Variants in LMNB1 observed in about 807,000 individuals in gnomAD.
The protein encoded by LMNB1 is lamin-B1.
Under a neutral mutation model 67.1 loss-of-function variants are expected in LMNB1, and 23 were observed. The observed-to-expected ratio is 0.34, with a 90% CI of 0.25 to 0.49. The LOEUF (loss-of-function observed/expected upper bound fraction) is 0.49. LMNB1 is among the 20% of genes least tolerant of loss of function. The probability of loss-of-function intolerance (pLI) is 0.99; values close to 1 mark genes in which losing one functional copy is unlikely to be tolerated. For synonymous variants in LMNB1, 281 were observed against 282.9 expected (o/e 0.99, Z 0.07); for missense variants, 634 against 746.5 (o/e 0.85, Z 1.76).
rs148587423 is a variant in LMNB1, at chr5:126,787,812, A to G, written c.359+9945A>G. 4.4e-3 allele frequency among the ~76,000 whole-genome samples: 672 copies of G among 151,896 alleles called. 10 individuals carry two copies. The highest frequency in any genetic ancestry group is 0.016 in the African/African-American group (645 of 41,440). ...GTGATCCACCCACCTCGGCCTCCCA[A>G]AGTGCTGGGATTACAGGTGTGAGCC... On this transcript the variant is annotated intron_variant, in intron 1 of 10. Coordinates refer to ENST00000261366, the MANE Select transcript of LMNB1 (RefSeq NM_005573.4).
At chr5:126,813,644 C>G (rs545661572) in intron 5 of LMNB1, among the ~76,000 whole-genome samples, 2 of 152,254 alleles carry the variant, frequency 1.3e-5, no homozygotes, top group African/African-American at 2.4e-5. Context: ...GGATATCTGC[C>G]TGGTGAGGGC....
intron 1 of LMNB1, among the ~76,000 whole-genome samples, chr5:126,797,788 T>G (rs1288756874): frequency 6.6e-6 from 1 of 152,200 alleles, no homozygotes; most frequent in African/African-American, 2.4e-5. Flanking sequence ...GAAGACTCAT[T>G]GATTTGGCTG....
Position 126,836,782 on chromosome 5 carries a change from TAAG to T in LMNB1, c.*522_*524del. 1 of 395,450 alleles carries T rather than the reference TAAG, an allele frequency of 2.5e-6. No individual in the cohort carries two copies. The highest frequency in any genetic ancestry group is 4.4e-6 in the Non-Finnish European group (1 of 225,126). 24.5% of individuals were successfully genotyped at this position (395,450 alleles called of 1,614,324 possible). A position where few individuals can be genotyped will look rare whatever the true frequency, so the allele number is the denominator to read the frequency against. ...AATTTTTTTTAAAATAGAAATTTTG[TAAG>T]AAGGCAATATTAACCTAATCACCAT... On this transcript the variant is annotated 3_prime_UTR_variant, in exon 11 of 11. Coordinates refer to ENST00000261366, the MANE Select transcript of LMNB1 (RefSeq NM_005573.4).
intron 9 of LMNB1, among the ~76,000 whole-genome samples, chr5:126,830,205 A>T (rs1470619399): frequency 1.3e-5 from 2 of 152,214 alleles, no homozygotes; most frequent in African/African-American, 2.4e-5. Context: ...CTGTGCAGTG[A>T]TGAGCAGCAT....
Position 126,805,609 on chromosome 5 carries a change from A to C in LMNB1, c.555A>C (p.Ala185=). ...ASLAAAKKQL[A]DETLLKVDLE... is the part of the protein sequence containing the mutation. ...TAGCTGCAGCCAAAAAACAGTTAGC[A>C]GATGAAACTTTACTTAAAGTAGATT... The change falls in exon 3 of 11, where the codon GCA becomes GCC. Residue 185 remains alanine (A), a synonymous_variant. Coordinates refer to ENST00000261366, the MANE Select transcript of LMNB1 (RefSeq NM_005573.4). 1 of 1,611,036 alleles carries C rather than the reference A, an allele frequency of 6.2e-7. No individual in the cohort carries two copies. Among genetic ancestry groups the C allele is most frequent in the African/African-American group, 1.3e-5 (1 of 75,002 alleles).
chr5:126,803,789 G>A (rs957554867), intron 1 of LMNB1, among the ~76,000 whole-genome samples: 3 of 151,946 alleles, frequency 2.0e-5, no homozygotes, highest in Non-Finnish European at 4.4e-5. Context: ...GACCTCAAGT[G>A]ATCCGCCAGC....
chr5:126,781,909 G>A (rs1750578936), intron 1 of LMNB1, among the ~76,000 whole-genome samples: 1 of 152,176 alleles, frequency 6.6e-6, no homozygotes, highest in South Asian at 2.1e-4. Context: ...GAAATGCTTG[G>A]TCTAAAGAGA....
intron 6 of LMNB1, among the ~76,000 whole-genome samples, chr5:126,819,779 C>T (rs1434233047): frequency 3.9e-5 from 6 of 152,218 alleles, no homozygotes; most frequent in Middle Eastern, 3.4e-3. Flanking sequence ...TGAGCCACCA[C>T]GCCCGGCTGG....
rs1580563658 is a variant in LMNB1 at position 126,836,942 on chromosome 5, G to C, written c.*678G>C. 3 of 397,874 alleles carry C rather than the reference G, an allele frequency of 7.5e-6. No homozygotes were observed. Among genetic ancestry groups the C allele is most frequent in the East Asian group, 7.1e-5 (2 of 28,014 alleles). 24.6% of individuals were successfully genotyped at this position (397,874 alleles called of 1,614,324 possible). ...AGGGTTTCTCTATTAAAATGCATTC[G>C]TTGTGTTTTTTAAGATAGTGTAACT... On this transcript the variant is annotated 3_prime_UTR_variant, in exon 11 of 11. Transcript: ENST00000261366.
At position 126,777,769 on chromosome 5, in the gene LMNB1, C is replaced by G; in HGVS notation, c.261C>G (p.Ala87=). Residue 87 remains alanine (A), a synonymous_variant, in exon 1 of 11, where the codon GCC becomes GCG. Transcript: ENST00000261366. ...GLKALYETEL[A]DARRALDDTA... ...AGGCGCTCTACGAGACCGAGCTGGCCGACGCGCGACGCGCGCTCGACGACA... is the reference window on the plus strand; with the variant it reads ...AGGCGCTCTACGAGACCGAGCTGGCGGACGCGCGACGCGCGCTCGACGACA... The G allele has an allele frequency of 6.6e-7, 1 of 1,513,710 alleles. No individual in the cohort carries two copies. The highest frequency in any genetic ancestry group is 8.9e-7 in the Non-Finnish European group (1 of 1,128,010). 93.8% of individuals were successfully genotyped at this position (1,513,710 alleles called of 1,614,324 possible). A position where few individuals can be genotyped will look rare whatever the true frequency, so the allele number is the denominator to read the frequency against.
chr5:126,802,313 A>G (rs2973583), intron 1 of LMNB1, among the ~76,000 whole-genome samples: 47,822 of 152,050 alleles, frequency 0.31, 7,592 homozygotes, highest in South Asian at 0.4. Context: ...TTAATTAAAG[A>G]TTCCTCCTTT....
chr5:126,778,563 A>G (rs908874515), intron 1 of LMNB1, among the ~76,000 whole-genome samples: 5 of 152,178 alleles, frequency 3.3e-5, no homozygotes, highest in African/African-American at 1.2e-4. Flanking sequence ...CTAGCTGGTT[A>G]GCTTTCTCTG....
intron 5 of LMNB1, among the ~76,000 whole-genome samples, chr5:126,817,327 A>G (rs1390049567): frequency 1.3e-5 from 2 of 152,286 alleles, no homozygotes; most frequent in South Asian, 2.1e-4. Context: ...TCCAGTCTCC[A>G]AGGAGCCCTG....
chr5:126,783,536 G>A (rs531749964), intron 1 of LMNB1, among the ~76,000 whole-genome samples: 3 of 152,086 alleles, frequency 2.0e-5, no homozygotes, highest in African/African-American at 7.2e-5. Context: ...TAGGAAGCAG[G>A]TCCCAAGTAA....
rs144863674 is a variant in LMNB1, at chr5:126,791,732, G to T, written c.360-13044G>T. On this transcript the variant is annotated intron_variant, in intron 1 of 10. Coordinates refer to ENST00000261366, the MANE Select transcript of LMNB1 (RefSeq NM_005573.4). ...TCCTTCTGCCTCAGCCTCCCAAAGTGTTGGGATTACAGGTGTGAACCATCA... is the reference window on the plus strand; with the variant it reads ...TCCTTCTGCCTCAGCCTCCCAAAGTTTTGGGATTACAGGTGTGAACCATCA... 3.2e-3 allele frequency among the ~76,000 whole-genome samples: 490 copies of T among 151,650 alleles called. 4 individuals are homozygous for T. The highest frequency in any genetic ancestry group is 0.011 in the African/African-American group (461 of 41,228).
rs552930036 is a variant in LMNB1 at position 126,808,974 on chromosome 5, C to G, written c.643-1206C>G. On this transcript the variant is annotated intron_variant, in intron 3 of 10. Transcript: ENST00000261366. ...CACTGCAACCACCGTCTCCCAGGTT[C>G]AAGTGATTCTCCCATCTCAGCCTCC... Among the ~76,000 whole-genome samples the G allele has an allele frequency of 2.9e-3, 438 of 152,054 alleles. 2 individuals carry two copies. Among genetic ancestry groups the G allele is most frequent in the Non-Finnish European group, 2.9e-3 (200 of 68,006 alleles).
chr5:126,824,890 T>G (rs2973599), intron 8 of LMNB1, among the ~76,000 whole-genome samples: 102,966 of 144,014 alleles, frequency 0.71, 36,567 homozygotes, highest in Middle Eastern at 0.75. Flanking sequence ...ATTTCACCAT[T>G]TTGCCCAGGC....
At chr5:126,819,269 G>A (rs1488554356) in intron 6 of LMNB1, 127 bp downstream of exon 6, 5 of 626,700 alleles carry the variant, frequency 8.0e-6, no homozygotes, top group Non-Finnish European at 1.4e-5. Flanking sequence ...GAACACCTAG[G>A]TATAGAAGTA....
intron 10 of LMNB1, among the ~76,000 whole-genome samples, chr5:126,834,246 G>T (rs140828888): frequency 2.0e-5 from 3 of 150,910 alleles, no homozygotes; most frequent in Middle Eastern, 3.2e-3. Flanking sequence ...TTGCTGTGTC[G>T]CCAGGCTGGA....
Sources: allele counts gnomAD v4.1 joint callset (sites outside exome capture counted in the v4.1 genomes callset), GRCh38; gene constraint gnomAD v4.1.1; transcripts MANE v1.5; gene names NCBI Gene and HGNC (gene_info 2026-07-23, HGNC 2026-07-21).